Variants in ZNF285 observed in about 807,000 individuals in gnomAD.
The protein encoded by ZNF285 is zinc finger protein 285A.
Under a neutral mutation model 6.2 loss-of-function variants are expected in ZNF285, and 4 were observed. The ratio of observed to expected loss-of-function variants is 0.65; its 90% CI spans 0.32 to 1.49. ZNF285 has a LOEUF of 1.49. Ranked by LOEUF, ZNF285 falls within the 40% of genes most tolerant of loss-of-function variation. The pLI, the probability that ZNF285 is intolerant of heterozygous loss-of-function variation, is 0.07. For missense variants in ZNF285, 695 were observed against 708.8 expected, an observed-to-expected ratio of 0.98 and a Z score of 0.22; for synonymous variants, 240 against 245.8, an observed-to-expected ratio of 0.98 and a Z score of 0.22.
At chr19:44,394,822 AG>A (rs1310215850) in intron 2 of ZNF285, among the ~76,000 whole-genome samples, 1 of 152,164 alleles carries the variant, frequency 6.6e-6, no homozygotes, top group East Asian at 1.9e-4. Flanking sequence ...AACAAAATCT[AG>A]GGGAGTCAGC....
chr19:44,394,575 T>G, intron 2 of ZNF285: 1 of 576,092 alleles, frequency 1.7e-6, no homozygotes, highest in Admixed American at 3.3e-5. Context: ...AAAGAAAATT[T>G]TAAAAAATTA....
At chr19:44,389,801 A>G (rs768488472) in intron 3 of ZNF285, among the ~76,000 whole-genome samples, 16 of 152,146 alleles carry the variant, frequency 1.1e-4, no homozygotes, top group Non-Finnish European at 2.1e-4. Context: ...AGAGGGTTTT[A>G]TCCTGCAGTT....
Position 44,387,426 on chromosome 19 carries a change from T to C in ZNF285, c.819A>G (p.Gln273=). The stretch of plus-strand genomic sequence containing the variant: ...GAGTTTTACAATGAACGATAAGATC[T>C]TGGCTCTGACTAAAGTTCTTTCCAT... The part of the protein sequence containing the change: ...DQYGKNFSQS[Q]DLIVHCKTHS... Residue 273 remains glutamine, a synonymous_variant, in exon 4 of 4, where the codon CAA becomes CAG. Coordinates refer to ENST00000614994, the MANE Select transcript of ZNF285 (RefSeq NM_152354.6). 6.2e-7 allele frequency: 1 copy of C among 1,614,156 alleles called. No homozygotes were observed. Among genetic ancestry groups the C allele is most frequent in the Middle Eastern group, 1.6e-4 (1 of 6,062 alleles).
chr19:44,383,101 A>C lies in ZNF285; in HGVS notation c.*3371T>G, dbSNP rs368220436. On this transcript the variant is annotated 3_prime_UTR_variant, in exon 4 of 4. Coordinates refer to ENST00000614994, the MANE Select transcript of ZNF285 (RefSeq NM_152354.6). ...TAATGCTATGAATTTTCACATGCCA[A>C]TTTCGTGTGAAACCAATTTGTTGAC... 9.2e-5 allele frequency: 14 copies of C among 152,238 alleles called. 1 individual carries two copies. In the East Asian group the frequency reaches 9.6e-4, roughly 10 times the overall value. 9.4% of individuals were successfully genotyped at this position (152,238 alleles called of 1,614,324 possible). A position where few individuals can be genotyped will look rare whatever the true frequency, so the allele number is the denominator to read the frequency against.
intron 1 of ZNF285, chr19:44,401,350 G>A (rs1208471503): frequency 2.6e-5 from 4 of 152,194 alleles, no homozygotes; most frequent in Admixed American, 2.0e-4. Context: ...TCCCCAAACC[G>A]AGCCCACGCT....
chr19:44,392,514 G>C (rs777504069), intron 2 of ZNF285, 48 bp from the exon 3 acceptor site: 16 of 1,613,404 alleles, frequency 9.9e-6, no homozygotes, highest in Non-Finnish European at 1.4e-5. Flanking sequence ...CAAATGACTG[G>C]TCTTAGTCTG....
Position 44,387,262 on chromosome 19 carries a change from C to A in ZNF285, c.983G>T (p.Ser328Ile). 2 of 1,614,078 alleles carry A rather than the reference C, an allele frequency of 1.2e-6. No individual in the cohort carries two copies. Among genetic ancestry groups the A allele is most frequent in the Non-Finnish European group, 1.7e-6 (2 of 1,179,998 alleles). The change falls in exon 4 of 4, where the codon AGC becomes ATC. Residue 328 changes from serine (S) to isoleucine (I), a missense_variant. By Grantham distance (142) the Ser-to-Ile change is moderately radical (BLOSUM62 -2). Transcript: ENST00000614994. ...TCGATGATGGTTGTGAAGGGAAGAG[C>A]TGCGCCTGAAGCCCTTGCCACATTC... The part of the protein sequence containing the change: ...CKECGKGFRR[S>I]SSLHNHHRVH...
At position 44,384,677 on chromosome 19, in the gene ZNF285, G is replaced by C. The variant is rs1281792678; in HGVS notation, c.*1795C>G. On this transcript the variant is annotated 3_prime_UTR_variant, in exon 4 of 4. Coordinates refer to ENST00000614994, the MANE Select transcript of ZNF285 (RefSeq NM_152354.6). ...GTCAATTAAAACAAAAAAGGACACT[G>C]TTTTTGAAGGAAAAAAAAAACACCT... The C allele has an allele frequency of 6.6e-6, 1 of 151,538 alleles. No individual in the cohort carries two copies. The highest frequency in any genetic ancestry group is 1.5e-5 in the Non-Finnish European group (1 of 67,892). The allele number at this position is 151,538 out of a possible 1,614,324, so 9.4% of individuals were successfully genotyped here. A position where few individuals can be genotyped will look rare whatever the true frequency, so the allele number is the denominator to read the frequency against.
intron 2 of ZNF285, chr19:44,394,666 A>C (rs1971251829): frequency 2.4e-6 from 1 of 416,112 alleles, no homozygotes; most frequent in Non-Finnish European, 4.2e-6. Flanking sequence ...CTCAGAGTTA[A>C]GTATTTACAG....
At chr19:44,394,536 T>C in intron 2 of ZNF285, 1 of 570,530 alleles carries the variant, frequency 1.8e-6, no homozygotes, top group African/African-American at 1.9e-5. Flanking sequence ...ATGTATCCCT[T>C]GAATCTAAAA....
In ZNF285 at chr19:44,384,360, G is replaced by A. The variant is rs1971039783; in HGVS notation, c.*2112C>T. 1 of 152,158 alleles carries A rather than the reference G, an allele frequency of 6.6e-6. No individual in the cohort carries two copies. Among genetic ancestry groups the A allele is most frequent in the African/African-American group, 2.4e-5 (1 of 41,426 alleles). 9.4% of individuals were successfully genotyped at this position (152,158 alleles called of 1,614,324 possible). The stretch of plus-strand genomic sequence containing the variant: ...TGAGAAGCAGGATCATTGGCTCAAA[G>A]ACAATGCACATTGTACATATGATAC... On this transcript the variant is annotated 3_prime_UTR_variant, in exon 4 of 4. Coordinates refer to ENST00000614994, the MANE Select transcript of ZNF285 (RefSeq NM_152354.6).
rs556844796 is a variant in ZNF285, at chr19:44,384,488, T to A, written c.*1984A>T. 6.6e-6 allele frequency: 1 copy of A among 152,188 alleles called. No individual in the cohort carries two copies. The highest frequency in any genetic ancestry group is 2.4e-5 in the African/African-American group (1 of 41,444). 9.4% of individuals were successfully genotyped at this position (152,188 alleles called of 1,614,324 possible). On this transcript the variant is annotated 3_prime_UTR_variant, in exon 4 of 4. Coordinates refer to ENST00000614994, the MANE Select transcript of ZNF285 (RefSeq NM_152354.6). Reference sequence around the variant, plus strand: ...CTCATTTCTACTGACATAGAATTTTTAAAATATTTCACTATTATCCACCTG... The same window carrying A: ...CTCATTTCTACTGACATAGAATTTTAAAAATATTTCACTATTATCCACCTG...
chr19:44,397,244 T>A lies in ZNF285; in HGVS notation c.-31A>T. 1 of 1,613,932 alleles carries A rather than the reference T, an allele frequency of 6.2e-7. No individual in the cohort carries two copies. The highest frequency in any genetic ancestry group is 8.5e-7 in the Non-Finnish European group (1 of 1,179,872). On this transcript the variant is annotated 5_prime_UTR_variant, in exon 2 of 4. Transcript: ENST00000614994. ...CTTCCTTTTGGAAAGGGCAGGATTCTGGAAAAGCAGAACTGCAAAGAAGAA... is the reference window on the plus strand; with the variant it reads ...CTTCCTTTTGGAAAGGGCAGGATTCAGGAAAAGCAGAACTGCAAAGAAGAA...
rs769461458 is a variant in ZNF285, at chr19:44,387,448, C to G, written c.797G>C (p.Gly266Ala). Residue 266 changes from glycine (G) to alanine (A), a missense_variant, in exon 4 of 4, where the codon GGA (glycine) becomes GCA (alanine). By Grantham distance (60) the Gly-to-Ala change is moderately conservative. Transcript: ENST00000614994. ...ATCTTGGCTCTGACTAAAGTTCTTTCCATACTGGTCACATTTATAAGATTT... is the reference window on the plus strand; with the variant it reads ...ATCTTGGCTCTGACTAAAGTTCTTTGCATACTGGTCACATTTATAAGATTT... ...GEKSYKCDQY[G>A]KNFSQSQDLI... 6 of 1,613,938 alleles carry G rather than the reference C, an allele frequency of 3.7e-6. No individual in the cohort carries two copies. In the African/African-American group the frequency reaches 8.0e-5, roughly 22 times the overall value.
chr19:44,386,750 A>T lies in ZNF285; in HGVS notation c.1495T>A (p.Phe499Ile). ...ATGTGATCTCTTTGATGTAAGTGAA[A>T]ATATGAACTGTAACTGAAGCACTTT... ...CGKCFSYSSY[F>I]HLHQRDHIRE... Residue 499 changes from phenylalanine to isoleucine, a missense_variant, in exon 4 of 4, where the codon TTT (phenylalanine) becomes ATT (isoleucine). Physicochemically the swap from Phe to Ile is conservative, Grantham distance 21. Coordinates refer to ENST00000614994, the MANE Select transcript of ZNF285 (RefSeq NM_152354.6). 6.2e-7 allele frequency: 1 copy of T among 1,614,170 alleles called. No homozygotes were observed. The highest frequency in any genetic ancestry group is 1.3e-5 in the African/African-American group (1 of 75,050).
chr19:44,395,620 T>C (rs1971267919), intron 2 of ZNF285, among the ~76,000 whole-genome samples: 1 of 152,130 alleles, frequency 6.6e-6, no homozygotes, highest in Non-Finnish European at 1.5e-5. Context: ...TTTAAGGAAA[T>C]ATATACTGAA....
At chr19:44,396,012 C>A (rs1310326410) in intron 2 of ZNF285, among the ~76,000 whole-genome samples, 1 of 152,080 alleles carries the variant, frequency 6.6e-6, no homozygotes, top group East Asian at 1.9e-4. Context: ...ATTTGGTGAA[C>A]TGTTGCTGTA....
intron 3 of ZNF285, among the ~76,000 whole-genome samples, chr19:44,390,093 CAT>C (rs1390344587): frequency 8.5e-5 from 13 of 152,164 alleles, no homozygotes; most frequent in Non-Finnish European, 1.6e-4. Context: ...ATAATTCCCA[CAT>C]GTCAGAGCCC....
intron 1 of ZNF285, 86 bp downstream of exon 1, chr19:44,401,482 T>G (rs567724795): frequency 1.8e-4 from 27 of 152,602 alleles, no homozygotes; most frequent in African/African-American, 6.3e-4. Context: ...CCTACTTCAG[T>G]CCACAGGGAC....
Sources: allele counts gnomAD v4.1 joint callset (sites outside exome capture counted in the v4.1 genomes callset), GRCh38; gene constraint gnomAD v4.1.1; transcripts MANE v1.5; gene names NCBI Gene and HGNC (gene_info 2026-07-23, HGNC 2026-07-21).